The following MYO16 variants were observed in gnomAD, a reference collection of about 807,000 sequenced individuals.
MYO16 encodes the protein myosin XVI.
A neutral mutation model predicts 205.3 loss-of-function variants in MYO16; 94 were observed. The observed-to-expected ratio is 0.46, with a 90% confidence interval of 0.39 to 0.54. MYO16 has a LOEUF of 0.54. Ranked by LOEUF, MYO16 falls within the 20% of genes least tolerant of loss-of-function variation. The probability of loss-of-function intolerance (pLI) is 0.00; values close to 1 mark genes in which losing one functional copy is unlikely to be tolerated. For synonymous variants in MYO16, 988 were observed against 954.0 expected, an observed-to-expected ratio of 1.04 and a Z score of -0.66; for missense variants, 2,315 against 2,387.5, an observed-to-expected ratio of 0.97 and a Z score of 0.63.
At chr13:109,103,188 T>G (rs776115071) in intron 28 of MYO16, among the ~76,000 whole-genome samples, 14 of 152,206 alleles carry the variant, frequency 9.2e-5, no homozygotes, top group Non-Finnish European at 1.6e-4. Flanking sequence ...ATTCCTAACC[T>G]GGAAAGTTAG....
At chr13:109,180,746 C>G (rs1879417304) in intron 34 of MYO16, among the ~76,000 whole-genome samples, 1 of 152,216 alleles carries the variant, frequency 6.6e-6, no homozygotes, top group African/African-American at 2.4e-5. Context: ...TATCCAGGCA[C>G]TGAAATAGAA....
At chr13:109,024,520 C>T (rs1886298014) in intron 23 of MYO16, among the ~76,000 whole-genome samples, 1 of 151,994 alleles carries the variant, frequency 6.6e-6, no homozygotes, top group Admixed American at 6.6e-5. Context: ...GTTTTAGTTT[C>T]AAATATTTTT....
intron 4 of MYO16, among the ~76,000 whole-genome samples, chr13:108,776,906 C>G (rs1342594051): frequency 2.0e-5 from 3 of 152,170 alleles, no homozygotes; most frequent in African/African-American, 7.2e-5. Context: ...AAACGCTCAG[C>G]TATGCTGCCT....
intron 11 of MYO16, among the ~76,000 whole-genome samples, chr13:108,860,373 A>G (rs1373507975): frequency 6.6e-6 from 1 of 152,128 alleles, no homozygotes; most frequent in Admixed American, 6.6e-5. Context: ...GTCCTCTATG[A>G]TGCACATGTA....
Position 109,179,644 on chromosome 13 carries a change from C to T in MYO16, c.5415+11C>T, listed in dbSNP as rs988951172. Reference sequence around the variant, plus strand: ...AGTCACACCACTCAGGTAATGATGTCTGTCTGTTCACATGTGCAGTGACAA... The same window carrying T: ...AGTCACACCACTCAGGTAATGATGTTTGTCTGTTCACATGTGCAGTGACAA... On this transcript the variant is annotated intron_variant, in intron 34 of 34. Coordinates refer to ENST00000457511, the MANE Select transcript of MYO16 (RefSeq NM_001198950.3). The T allele has an allele frequency of 6.3e-7, 1 of 1,599,552 alleles. No individual in the cohort carries two copies. The highest frequency in any genetic ancestry group is 1.3e-5 in the African/African-American group (1 of 74,576).
At chr13:108,988,913 C>T (rs867963936) in intron 20 of MYO16, among the ~76,000 whole-genome samples, 2 of 152,128 alleles carry the variant, frequency 1.3e-5, no homozygotes, top group African/African-American at 4.8e-5. Context: ...CTCCTTATTC[C>T]TGAAGTTGTC....
At chr13:109,189,098 A>C (rs1463021834) in intron 34 of MYO16, among the ~76,000 whole-genome samples, 3 of 151,884 alleles carry the variant, frequency 2.0e-5, no homozygotes, top group Non-Finnish European at 4.4e-5. Flanking sequence ...CTGTCTAAAA[A>C]AAATGAAAAA....
chr13:108,538,715 A>T, the MYO16 span, among the ~76,000 whole-genome samples: 6 of 152,014 alleles, frequency 3.9e-5, no homozygotes, highest in Admixed American at 2.0e-4. Flanking sequence ...TAGACAACAG[A>T]TGCTCTTTTT....
rs1429958364 is a variant in MYO16 at position 109,164,905 on chromosome 13, T to A, written c.5169T>A (p.Phe1723Leu). 1.9e-6 allele frequency: 3 copies of A among 1,558,910 alleles called. No individual in the cohort carries two copies. Among genetic ancestry groups the A allele is most frequent in the Non-Finnish European group, 1.7e-6 (2 of 1,154,316 alleles). The change falls in exon 33 of 35, where the codon TTT (phenylalanine) becomes TTA (leucine). Residue 1723 changes from phenylalanine (F) to leucine (L), a missense_variant. By Grantham distance (22) the Phe-to-Leu change is conservative. Coordinates refer to ENST00000457511, the MANE Select transcript of MYO16 (RefSeq NM_001198950.3). ...GTTTTCTAAAATTTATTTTAGGTTT[T>A]GAAACTAACATGAACATAAGTAGCC... ...AGRKIREAEGFETNMNISSRD... is the reference protein window; with the variant it reads ...AGRKIREAEGLETNMNISSRD...
chr13:108,915,720 A>G (rs1367078402), intron 16 of MYO16, among the ~76,000 whole-genome samples: 1 of 152,206 alleles, frequency 6.6e-6, no homozygotes, highest in Non-Finnish European at 1.5e-5. Flanking sequence ...GTTATTCTGA[A>G]TCTCTTTTTG....
At chr13:108,917,568 T>C (rs1290989666) in intron 16 of MYO16, among the ~76,000 whole-genome samples, 1 of 152,168 alleles carries the variant, frequency 6.6e-6, no homozygotes, top group Non-Finnish European at 1.5e-5. Context: ...ATAGTGTAGA[T>C]CTATTGCATG....
chr13:109,195,716 C>G (rs1423035723), intron 34 of MYO16, among the ~76,000 whole-genome samples: 1 of 152,008 alleles, frequency 6.6e-6, no homozygotes, highest in African/African-American at 2.4e-5. Flanking sequence ...ATAGAAAAAT[C>G]AATTCTGTGA....
chr13:108,916,986 T>C (rs967551563), intron 16 of MYO16, among the ~76,000 whole-genome samples: 1 of 151,902 alleles, frequency 6.6e-6, no homozygotes, highest in Non-Finnish European at 1.5e-5. Flanking sequence ...GATGAGGGCG[T>C]AGCTGAAGAG....
At chr13:108,996,658 GTACTTAC>G in intron 21 of MYO16, among the ~76,000 whole-genome samples, 1 of 152,124 alleles carries the variant, frequency 6.6e-6, no homozygotes. Context: ...CCATAGGTTG[GTACTTAC>G]TGATGATTGT....
rs1178345437 is a variant in MYO16, at chr13:108,972,249, C to CTCTCTCTCTA, written c.2369+7348_2369+7349insCTCTCTCTAT. On this transcript the variant is annotated intron_variant, in intron 20 of 34. Transcript: ENST00000457511. Reference sequence around the variant, plus strand: ...TCTCTCTCTCTCTCTCTCTCTCTCTCTATATATATATATATATATATATAT... The same window carrying CTCTCTCTCTA: ...TCTCTCTCTCTCTCTCTCTCTCTCTCTCTCTCTCTATATATATATATATATATATATATAT... Among the ~76,000 whole-genome samples the CTCTCTCTCTA allele has an allele frequency of 2.1e-3, 6 of 2,852 alleles. 1 individual carries two copies. The highest frequency in any genetic ancestry group is 0.029 in the South Asian group (2 of 70). 1.9% of individuals were successfully genotyped at this position (2,852 alleles called of 152,430 possible). A position where few individuals can be genotyped will look rare whatever the true frequency, so the allele number is the denominator to read the frequency against.
chr13:109,022,894 A>T (rs1566466958), intron 23 of MYO16, among the ~76,000 whole-genome samples: 1 of 135,784 alleles, frequency 7.4e-6, no homozygotes, highest in African/African-American at 2.7e-5. Flanking sequence ...TTATATATAC[A>T]CATGTAAATA....
At position 108,967,147 on chromosome 13, in the gene MYO16, CTATA is replaced by C. The variant is rs34067092; in HGVS notation, c.2369+2251_2369+2254del. On this transcript the variant is annotated intron_variant, in intron 20 of 34. Transcript: ENST00000457511. ...TATAGTATACAGACATGTATACTGACTATATATATGTGTGTGTGTGTGTGTGTGT... is the reference window on the plus strand; with the variant it reads ...TATAGTATACAGACATGTATACTGACTATATGTGTGTGTGTGTGTGTGTGT... 4.5e-3 allele frequency among the ~76,000 whole-genome samples: 610 copies of C among 134,598 alleles called. 7 individuals carry two copies. The highest frequency in any genetic ancestry group is 0.017 in the African/African-American group (593 of 35,386). 88.3% of individuals were successfully genotyped at this position (134,598 alleles called of 152,430 possible).
At chr13:108,772,197 T>G (rs1347654998) in intron 4 of MYO16, among the ~76,000 whole-genome samples, 1 of 151,658 alleles carries the variant, frequency 6.6e-6, no homozygotes, top group Non-Finnish European at 1.5e-5. Flanking sequence ...AAAAAAATAT[T>G]ACATAGAAAG....
chr13:108,903,146 G>A (rs1039877876), intron 15 of MYO16, among the ~76,000 whole-genome samples: 12 of 152,048 alleles, frequency 7.9e-5, no homozygotes, highest in African/African-American at 2.9e-4. Context: ...TTAATGAAAA[G>A]GTGAAAGTTC....
Sources: allele counts gnomAD v4.1 joint callset (sites outside exome capture counted in the v4.1 genomes callset), GRCh38; gene constraint gnomAD v4.1.1; transcripts MANE v1.5; gene names NCBI Gene and HGNC (gene_info 2026-07-23, HGNC 2026-07-21).